MTMR12: variants seen among roughly 807,000 people sequenced by gnomAD.
MTMR12 encodes the protein myotubularin-related protein 12.
MTMR12 carries 33 observed loss-of-function variants against 96.7 expected under a neutral mutation model. That is an observed-to-expected ratio of 0.34 (90% CI 0.26 to 0.46). MTMR12 has a LOEUF of 0.46. Among genes scored for constraint, MTMR12 ranks in the 20% least tolerant of loss-of-function variants. The pLI is 1.00. For missense variants in MTMR12, 721 were observed against 896.1 expected (o/e 0.80, Z 2.49); for synonymous variants, 298 against 327.2 (o/e 0.91, Z 0.96).
At chr5:32,269,692 CG>C (rs1025522312) in intron 5 of MTMR12, among the ~76,000 whole-genome samples, 2 of 152,164 alleles carry the variant, frequency 1.3e-5, no homozygotes, top group Non-Finnish European at 2.9e-5. Context: ...TGCTAAAAAA[CG>C]TAAGTGCCAC....
At chr5:32,247,663 A>G in intron 10 of MTMR12, 1 of 836,136 alleles carries the variant, frequency 1.2e-6, no homozygotes, top group Non-Finnish European at 1.4e-6. Flanking sequence ...TTTATAAATT[A>G]CTGCAAGTCA....
At position 32,233,830 on chromosome 5, in the gene MTMR12, A is replaced by G. The variant is rs1404423764; in HGVS notation, c.1617T>C (p.Pro539=). The G allele has an allele frequency of 6.2e-7, 1 of 1,614,152 alleles. No individual in the cohort carries two copies. The highest frequency in any genetic ancestry group is 1.7e-5 in the Admixed American group (1 of 60,016). Residue 539 remains proline (P), a synonymous_variant, in exon 15 of 16, where the codon CCT becomes CCC. Coordinates refer to ENST00000382142, the MANE Select transcript of MTMR12 (RefSeq NM_001040446.3). The surrounding 1 kb of genome is among the most constrained non-coding windows in gnomAD (Gnocchi z 5.0). ...CCAGTTTTGGCTTTTCCACATAAAG[A>G]GGGTTTTTGAGCAATGTCTGGGCTT... is the stretch of plus-strand genomic sequence containing the variant. The part of the protein sequence containing the change: ...EPKAQTLLKN[P]LYVEKPKLDK...
At chr5:32,308,790 A>G (rs2111554503) in intron 1 of MTMR12, among the ~76,000 whole-genome samples, 1 of 152,210 alleles carries the variant, frequency 6.6e-6, no homozygotes, top group East Asian at 1.9e-4. Flanking sequence ...TTTTTAGTAG[A>G]GACGGGGTTT....
chr5:32,283,548 C>T lies in MTMR12; in HGVS notation c.82-6806G>A, dbSNP rs554552662. On this transcript the variant is annotated intron_variant, in intron 1 of 15. Coordinates refer to ENST00000382142, the MANE Select transcript of MTMR12 (RefSeq NM_001040446.3). The stretch of plus-strand genomic sequence containing the variant: ...GCACAGGTGAAAGTCAAACCCTGTG[C>T]GCAGTCTGCGTTCCTGGCCCAGTCT... Among the ~76,000 whole-genome samples, 5 of 152,116 alleles carry T rather than the reference C, an allele frequency of 3.3e-5. No homozygotes were observed. In the South Asian group the frequency reaches 6.2e-4, roughly 19 times the overall value.
intron 2 of MTMR12, 67 bp downstream of exon 2, chr5:32,276,615 T>C (rs556298597): frequency 1.5e-6 from 2 of 1,338,788 alleles, no homozygotes; most frequent in African/African-American, 1.4e-5. Flanking sequence ...ATAGCAAGGC[T>C]AGGGATGATG....
At position 32,305,396 on chromosome 5, in the gene MTMR12, T is replaced by G. The variant is rs7710328; in HGVS notation, c.81+7362A>C. On this transcript the variant is annotated intron_variant, in intron 1 of 15. Coordinates refer to ENST00000382142, the MANE Select transcript of MTMR12 (RefSeq NM_001040446.3). ...CACCGCTCCTGGCCAGGTTATGAAT[T>G]CTTAAAAAAAGAAGGCAAAGGATCT... 5.6e-3 allele frequency among the ~76,000 whole-genome samples: 858 copies of G among 152,172 alleles called. 11 individuals are homozygous for G. The highest frequency in any genetic ancestry group is 0.019 in the African/African-American group (789 of 41,530).
intron 1 of MTMR12, among the ~76,000 whole-genome samples, chr5:32,287,584 A>G (rs998774246): frequency 2.6e-5 from 4 of 152,208 alleles, no homozygotes. Context: ...TCCATCTAGG[A>G]ACCCTAATAC....
intron 1 of MTMR12, among the ~76,000 whole-genome samples, chr5:32,279,315 G>A (rs1750190354): frequency 6.6e-6 from 1 of 151,920 alleles, no homozygotes; most frequent in African/African-American, 2.4e-5. Flanking sequence ...AGGTACCTGG[G>A]AGGCTGAGGT....
intron 1 of MTMR12, among the ~76,000 whole-genome samples, chr5:32,293,507 T>C (rs1421344290): frequency 3.3e-5 from 5 of 152,210 alleles, no homozygotes; most frequent in South Asian, 2.1e-4. Context: ...AGACAGCCTG[T>C]TGTGGGACCC....
At chr5:32,242,196 T>TGA in intron 11 of MTMR12, 69 bp from the exon 12 acceptor site, 1 of 1,137,812 alleles carries the variant, frequency 8.8e-7, no homozygotes, top group Non-Finnish European at 1.3e-6. Context: ...ACTACGTAGT[T>TGA]GAGAGAGAGT....
chr5:32,250,205 G>C (rs993798672), intron 8 of MTMR12, among the ~76,000 whole-genome samples: 1 of 152,214 alleles, frequency 6.6e-6, no homozygotes, highest in Non-Finnish European at 1.5e-5. Flanking sequence ...TGGGTGTCTA[G>C]CATCAACAGG....
intron 6 of MTMR12, 110 bp downstream of exon 6, chr5:32,268,591 G>A: frequency 1.3e-6 from 1 of 771,794 alleles, no homozygotes; most frequent in Non-Finnish European, 2.2e-6. Flanking sequence ...AATTGGTAGA[G>A]GAGACAGGAA....
chr5:32,300,263 G>C (rs1751088283), intron 1 of MTMR12, among the ~76,000 whole-genome samples: 1 of 152,140 alleles, frequency 6.6e-6, no homozygotes, highest in South Asian at 2.1e-4. Flanking sequence ...CAAGTCCTTA[G>C]CTGGGTTTAT....
intron 1 of MTMR12, among the ~76,000 whole-genome samples, chr5:32,281,137 A>T (rs903279677): frequency 2.7e-5 from 4 of 150,842 alleles, no homozygotes; most frequent in African/African-American, 9.8e-5. Flanking sequence ...AATCCCAGCT[A>T]CTCGGGAGGC....
At chr5:32,311,727 C>A (rs1751605272) in intron 1 of MTMR12, among the ~76,000 whole-genome samples, 2 of 152,234 alleles carry the variant, frequency 1.3e-5, no homozygotes, top group Admixed American at 1.3e-4. Context: ...TCCCCCTTGT[C>A]CATGGGCCTC....
intron 1 of MTMR12, among the ~76,000 whole-genome samples, chr5:32,305,629 C>T (rs79572998): frequency 1.3e-5 from 2 of 151,924 alleles, no homozygotes; most frequent in East Asian, 1.9e-4. Flanking sequence ...CGCGGCCGGG[C>T]GCGATGGCTC....
At chr5:32,303,417 C>T (rs919285175) in intron 1 of MTMR12, among the ~76,000 whole-genome samples, 3 of 152,128 alleles carry the variant, frequency 2.0e-5, no homozygotes, top group Non-Finnish European at 2.9e-5. Flanking sequence ...GTACTCCCCC[C>T]CAGAATCCCT....
chr5:32,232,354 G>C (rs1748030463), intron 15 of MTMR12, among the ~76,000 whole-genome samples: 1 of 152,224 alleles, frequency 6.6e-6, no homozygotes, highest in Admixed American at 6.5e-5. Context: ...GATTTAGCTA[G>C]TGCAACCTGA....
At chr5:32,236,220 A>G (rs1424812117) in intron 13 of MTMR12, among the ~76,000 whole-genome samples, 1 of 152,162 alleles carries the variant, frequency 6.6e-6, no homozygotes, top group Non-Finnish European at 1.5e-5. Context: ...CCCATTAGAC[A>G]TGGTGCCTGC....
Sources: allele counts gnomAD v4.1 joint callset (sites outside exome capture counted in the v4.1 genomes callset), GRCh38; gene constraint gnomAD v4.1.1; non-coding constraint Gnocchi (gnomAD v3.1); transcripts MANE v1.5; gene names NCBI Gene and HGNC (gene_info 2026-07-23, HGNC 2026-07-21).